The following NBAS variants were observed in gnomAD, a reference collection of about 807,000 sequenced individuals.
NBAS encodes the protein NBAS subunit of NRZ tethering complex, also known as NAG/BC035112 fusion.
Under a neutral mutation model 302.5 loss-of-function variants are expected in NBAS, and 219 were observed. The observed-to-expected ratio is 0.72, with a 90% CI of 0.65 to 0.81. NBAS has a LOEUF of 0.81. NBAS is among the 30% of genes least tolerant of loss of function. The probability of loss-of-function intolerance (pLI) is 0.00; values close to 1 mark genes in which losing one functional copy is unlikely to be tolerated. For missense variants in NBAS, 2,932 were observed against 2,841.6 expected (o/e 1.03, Z -0.72); for synonymous variants, 1,118 against 1,021.6 (o/e 1.09, Z -1.80).
At chr2:15,228,087 C>T (rs2147914285) in intron 47 of NBAS, among the ~76,000 whole-genome samples, 1 of 152,172 alleles carries the variant, frequency 6.6e-6, no homozygotes. Flanking sequence ...GTAAACTATA[C>T]ATCAGATAAG....
chr2:14,820,452 C>A, the NBAS span, among the ~76,000 whole-genome samples: 1 of 151,966 alleles, frequency 6.6e-6, no homozygotes, highest in Non-Finnish European at 1.5e-5. Context: ...TATTTGTGGG[C>A]TCTAAAAATT....
At chr2:14,937,743 T>C in the NBAS span, among the ~76,000 whole-genome samples, 1 of 152,300 alleles carries the variant, frequency 6.6e-6, no homozygotes, top group South Asian at 2.1e-4. Context: ...CGAGGCTTCT[T>C]GGAAAATGGT....
intron 12 of NBAS, 59 bp from the exon 13 acceptor site, chr2:15,478,348 A>T: frequency 2.4e-6 from 3 of 1,255,616 alleles, no homozygotes; most frequent in Non-Finnish European, 3.5e-6. Flanking sequence ...TAAGAAAATC[A>T]TCAAGAACTG....
At chr2:15,038,727 G>A in the NBAS span, among the ~76,000 whole-genome samples, 1 of 151,790 alleles carries the variant, frequency 6.6e-6, no homozygotes, top group Non-Finnish European at 1.5e-5. Flanking sequence ...ATTTCCAAAA[G>A]TGACTGCGAC....
intron 28 of NBAS, among the ~76,000 whole-genome samples, chr2:15,387,072 A>C (rs1485386308): frequency 7.0e-6 from 1 of 143,132 alleles, no homozygotes; most frequent in Non-Finnish European, 1.5e-5. Flanking sequence ...ATGCACAATT[A>C]TAAAGTATTA....
chr2:15,394,300 CAAATG>C lies in NBAS; in HGVS notation c.3179_3183del (p.Ser1060CysfsTer2). The C allele has an allele frequency of 6.2e-7, 1 of 1,613,194 alleles. No homozygotes were observed. Among genetic ancestry groups the C allele is most frequent in the Non-Finnish European group, 8.5e-7 (1 of 1,179,420 alleles). On this transcript the variant is annotated frameshift_variant, in exon 28 of 52. Transcript: ENST00000281513. LOFTEE classifies it high-confidence loss of function. Reference sequence around the variant, plus strand: ...TCTGAGCTAGATTGAGTGTTTTTAACAAATGAAATTGGTTTCTCGAGTCCATGTTT... The same window carrying C: ...TCTGAGCTAGATTGAGTGTTTTTAACAAATTGGTTTCTCGAGTCCATGTTT...
intron 21 of NBAS, among the ~76,000 whole-genome samples, chr2:15,456,773 A>G (rs1023297715): frequency 1.3e-5 from 2 of 152,220 alleles, no homozygotes; most frequent in African/African-American, 2.4e-5. Flanking sequence ...TATATAATAA[A>G]TGCTAGGAAG....
chr2:15,479,984 A>G (rs898626198), intron 12 of NBAS, among the ~76,000 whole-genome samples: 3 of 152,186 alleles, frequency 2.0e-5, no homozygotes, highest in Non-Finnish European at 4.4e-5. Context: ...CTATAGGAAA[A>G]TTATCTGATA....
chr2:14,914,101 A>C, the NBAS span, among the ~76,000 whole-genome samples: 1 of 152,200 alleles, frequency 6.6e-6, no homozygotes, highest in African/African-American at 2.4e-5. Flanking sequence ...TTATAAAATG[A>C]TCAGATCTCA....
chr2:15,432,283 A>C (rs1449716916), intron 21 of NBAS, among the ~76,000 whole-genome samples: 1 of 152,024 alleles, frequency 6.6e-6, no homozygotes, highest in Non-Finnish European at 1.5e-5. Flanking sequence ...CACTTAAAAA[A>C]AAAAAAAAGG....
chr2:14,781,546 T>C, the NBAS span, among the ~76,000 whole-genome samples: 2 of 151,958 alleles, frequency 1.3e-5, no homozygotes, highest in African/African-American at 2.4e-5. Flanking sequence ...GAGGACATCA[T>C]TATTCAATCC....
the NBAS span, among the ~76,000 whole-genome samples, chr2:15,079,546 C>T: frequency 6.6e-6 from 1 of 152,122 alleles, no homozygotes; most frequent in African/African-American, 2.4e-5. Flanking sequence ...CACTGCTAAC[C>T]CAAACCTCTT....
intron 35 of NBAS, among the ~76,000 whole-genome samples, chr2:15,351,038 G>A (rs548931308): frequency 6.6e-6 from 1 of 152,242 alleles, no homozygotes; most frequent in South Asian, 2.1e-4. Context: ...ATGTACAAAC[G>A]ATGACAGTCA....
chr2:14,792,688 C>T, the NBAS span, among the ~76,000 whole-genome samples: 2 of 151,412 alleles, frequency 1.3e-5, no homozygotes, highest in South Asian at 4.2e-4. Context: ...AAAAAAAAAT[C>T]GTAAATAGGA....
chr2:15,289,533 G>A (rs1324656911), intron 41 of NBAS, among the ~76,000 whole-genome samples: 1 of 152,172 alleles, frequency 6.6e-6, no homozygotes, highest in African/African-American at 2.4e-5. Context: ...CCTGGCACAA[G>A]ACATTTTCAA....
chr2:15,151,875 T>G, the NBAS span, among the ~76,000 whole-genome samples: 1 of 151,822 alleles, frequency 6.6e-6, no homozygotes, highest in African/African-American at 2.4e-5. Flanking sequence ...TGAGGTAGAG[T>G]CTCCCTCTCT....
chr2:15,183,168 C>A (rs564436869), intron 50 of NBAS, among the ~76,000 whole-genome samples: 3 of 152,146 alleles, frequency 2.0e-5, no homozygotes, highest in Non-Finnish European at 4.4e-5. Flanking sequence ...AAAGATACTG[C>A]CACTTTTTAA....
At chr2:15,374,559 T>C (rs1014419527) in intron 31 of NBAS, 49 bp downstream of exon 31, 16 of 1,465,598 alleles carry the variant, frequency 1.1e-5, no homozygotes, top group Middle Eastern at 1.7e-4. Context: ...TACTAGTAAA[T>C]TGCTGCAATA....
At chr2:14,790,895 G>A in the NBAS span, among the ~76,000 whole-genome samples, 38 of 151,998 alleles carry the variant, frequency 2.5e-4, 1 homozygote, top group Non-Finnish European at 4.1e-4. Context: ...CGCTCTTGTT[G>A]CCCAGACTGG....
Sources: allele counts gnomAD v4.1 joint callset (sites outside exome capture counted in the v4.1 genomes callset), GRCh38; gene constraint gnomAD v4.1.1; transcripts MANE v1.5; gene names NCBI Gene and HGNC (gene_info 2026-07-23, HGNC 2026-07-21).